Variants in OPCML observed in about 807,000 individuals in gnomAD.
The protein encoded by OPCML is opioid-binding protein/cell adhesion molecule.
Under a neutral mutation model 37.8 loss-of-function variants are expected in OPCML, and 13 were observed. The observed-to-expected ratio is 0.34, with a 90% CI of 0.22 to 0.55. The LOEUF is 0.55. Among genes scored for constraint, OPCML ranks in the 20% least tolerant of loss-of-function variants. OPCML has a pLI of 0.91. For synonymous variants in OPCML, 176 were observed against 168.8 expected, an observed-to-expected ratio of 1.04 and a Z score of -0.33; for missense variants, 341 against 435.6, an observed-to-expected ratio of 0.78 and a Z score of 1.93.
chr11:132,962,895 T>A (rs1480844028), intron 1 of OPCML, among the ~76,000 whole-genome samples: 2 of 152,154 alleles, frequency 1.3e-5, no homozygotes, highest in Admixed American at 1.3e-4. Flanking sequence ...AAGCACTTCA[T>A]CCCCACCAGC....
At chr11:132,859,103 A>T (rs1426601010) in intron 2 of OPCML, 1 of 152,170 alleles carries the variant, frequency 6.6e-6, no homozygotes, top group Non-Finnish European at 1.5e-5. Flanking sequence ...ACCACAGTTT[A>T]AAAAAATGTG....
chr11:132,713,251 A>C (rs1041091821), intron 2 of OPCML, among the ~76,000 whole-genome samples: 1 of 152,280 alleles, frequency 6.6e-6, no homozygotes, highest in African/African-American at 2.4e-5. Flanking sequence ...TAATTAATCC[A>C]TCCAAGATTC....
intron 1 of OPCML, among the ~76,000 whole-genome samples, chr11:133,196,905 C>T (rs143383037): frequency 2.9e-4 from 44 of 152,266 alleles, no homozygotes; most frequent in African/African-American, 9.4e-4. Context: ...GAAGCAGGCG[C>T]AATTCTGTGT....
intron 1 of OPCML, among the ~76,000 whole-genome samples, chr11:132,981,324 G>T (rs1946578821): frequency 6.6e-6 from 1 of 152,184 alleles, no homozygotes; most frequent in African/African-American, 2.4e-5. Flanking sequence ...CCACGTGGTG[G>T]TTAGAGCAAA....
intron 2 of OPCML, among the ~76,000 whole-genome samples, chr11:132,861,112 G>C (rs181198338): frequency 7.2e-5 from 11 of 152,312 alleles, no homozygotes; most frequent in Admixed American, 6.5e-4. Context: ...CGTTTTCACA[G>C]ATGAAGGAAT....
chr11:133,120,513 A>G (rs1428410763), intron 1 of OPCML, among the ~76,000 whole-genome samples: 2 of 152,148 alleles, frequency 1.3e-5, no homozygotes, highest in African/African-American at 4.8e-5. Flanking sequence ...GATTCTCTCA[A>G]CCACTCTAGA....
chr11:133,386,342 A>G (rs1484323731), intron 1 of OPCML, among the ~76,000 whole-genome samples: 2 of 152,246 alleles, frequency 1.3e-5, no homozygotes, highest in African/African-American at 4.8e-5. Flanking sequence ...ACTAAAACAA[A>G]TAAATCCACT....
rs1329505258 is a variant in OPCML at position 132,456,435 on chromosome 11, G to C, written c.506-19076C>G. 2.6e-5 allele frequency among the ~76,000 whole-genome samples: 4 copies of C among 152,188 alleles called. No homozygotes were observed. The East Asian group carries it at 7.7e-4, about 29-fold the overall frequency. On this transcript the variant is annotated intron_variant, in intron 4 of 7. Transcript: ENST00000524381. ...TTTTAGTTAATTTTTTTAGAGTTCA[G>C]GGATTTTAATGAGAAGAAATTCCAT...
At position 133,498,304 on chromosome 11, in the gene OPCML, C is replaced by T. The variant is rs550360669; in HGVS notation, c.61+33960G>A. ...TGGCAAGGAAGGCCTGAAATTCTAC[C>T]TTTGCTGGGTCAAGACATGAAGTAG... is the stretch of plus-strand genomic sequence containing the variant. On this transcript the variant is annotated intron_variant, in intron 1 of 7. Transcript: ENST00000524381. Among the ~76,000 whole-genome samples, 4 of 152,272 alleles carry T rather than the reference C, an allele frequency of 2.6e-5. No homozygotes were observed. The South Asian group carries it at 8.3e-4, about 32-fold the overall frequency.
chr11:132,846,271 C>A (rs537353052), intron 2 of OPCML, among the ~76,000 whole-genome samples: 2 of 152,276 alleles, frequency 1.3e-5, no homozygotes, highest in South Asian at 2.1e-4. Context: ...ACTTAACCAG[C>A]AACAAAGGCT....
intron 2 of OPCML, among the ~76,000 whole-genome samples, chr11:132,889,521 C>T (rs1943561690): frequency 6.6e-6 from 1 of 152,216 alleles, no homozygotes; most frequent in African/African-American, 2.4e-5. Context: ...AACATACTCA[C>T]TGAAAGGTCC....
At chr11:132,760,475 A>G (rs1478015003) in intron 2 of OPCML, among the ~76,000 whole-genome samples, 2 of 151,248 alleles carry the variant, frequency 1.3e-5, no homozygotes, top group African/African-American at 4.9e-5. Flanking sequence ...TATTAATTTG[A>G]GTGCTCCTGT....
intron 3 of OPCML, among the ~76,000 whole-genome samples, chr11:132,545,800 T>C (rs1019065064): frequency 6.6e-6 from 1 of 152,260 alleles, no homozygotes. Flanking sequence ...GGCATAAATG[T>C]ATCATAGTTT....
chr11:132,545,980 T>A (rs2096367689), intron 3 of OPCML, among the ~76,000 whole-genome samples: 1 of 152,240 alleles, frequency 6.6e-6, no homozygotes, highest in South Asian at 2.1e-4. Flanking sequence ...TGCTGATAGA[T>A]TTCCTTTCAT....
intron 2 of OPCML, among the ~76,000 whole-genome samples, chr11:132,815,137 C>G (rs1205532102): frequency 6.6e-6 from 1 of 152,174 alleles, no homozygotes; most frequent in Non-Finnish European, 1.5e-5. Flanking sequence ...CTTAACTCAT[C>G]TTTTTGCGTC....
At chr11:132,672,571 T>C (rs1007452126) in intron 2 of OPCML, among the ~76,000 whole-genome samples, 1 of 152,214 alleles carries the variant, frequency 6.6e-6, no homozygotes. Context: ...TTAAAACATA[T>C]TTGTTATTTT....
chr11:133,127,937 C>A (rs548656668), intron 1 of OPCML, among the ~76,000 whole-genome samples: 1 of 151,942 alleles, frequency 6.6e-6, no homozygotes, highest in East Asian at 1.9e-4. Flanking sequence ...GATGATTATG[C>A]GCTTTGTTCC....
At chr11:132,748,919 A>C in intron 2 of OPCML, among the ~76,000 whole-genome samples, 1 of 152,148 alleles carries the variant, frequency 6.6e-6, no homozygotes, top group African/African-American at 2.4e-5. Flanking sequence ...TTAAGGTAGA[A>C]TTGGTGGGAC....
intron 3 of OPCML, among the ~76,000 whole-genome samples, chr11:132,644,724 G>A (rs1019970923): frequency 1.6e-4 from 24 of 152,226 alleles, no homozygotes; most frequent in African/African-American, 2.2e-4. Context: ...GTGTGCCACC[G>A]ACCCTTATAA....
Sources: gnomAD v4.1 joint callset for allele counts (sites outside exome capture counted in the v4.1 genomes callset) on GRCh38, gnomAD v4.1.1 for gene constraint, MANE v1.5 for transcripts, NCBI Gene and HGNC (gene_info 2026-07-23, HGNC 2026-07-21) for gene names.